The following EIF2S1 variants were observed in gnomAD, a reference collection of about 807,000 sequenced individuals.
EIF2S1 encodes eukaryotic translation initiation factor 2 subunit 1.
In EIF2S1, 5 loss-of-function variants were observed where a neutral mutation model predicts 33.5. That is an observed-to-expected ratio of 0.15 (90% confidence interval 0.08 to 0.31). The LOEUF is 0.31. Among genes scored for constraint, EIF2S1 ranks in the 10% least tolerant of loss-of-function variants. The probability of loss-of-function intolerance (pLI) is 1.00; values close to 1 mark genes in which losing one functional copy is unlikely to be tolerated. For synonymous variants in EIF2S1, 99 were observed against 127.5 expected (o/e 0.78, Z 1.51); for missense variants, 191 against 384.6 (o/e 0.50, Z 4.21).
chr14:67,380,588 A>G (rs2085882845), intron 4 of EIF2S1, 71 bp from the exon 5 acceptor site: 2 of 762,176 alleles, frequency 2.6e-6, no homozygotes, highest in South Asian at 2.8e-5. Flanking sequence ...GCATTGTTCC[A>G]TAGTGTTTGG....
Position 67,381,599 on chromosome 14 carries a change from A to T in EIF2S1, c.587A>T (p.Glu196Val). The change falls in exon 6 of 8, where the codon GAA (glutamate) becomes GTA (valine). Residue 196 changes from glutamate (E) to valine (V), a missense_variant. Physicochemically the swap from Glu to Val is moderately radical, Grantham distance 121. Coordinates refer to ENST00000256383, the MANE Select transcript of EIF2S1 (RefSeq NM_004094.5). ...TGAATTTTTGTAATTGTAGATATTG[A>T]AGTGGCTTGTTATGGTTATGAAGGC... The part of the protein sequence containing the change: ...PQAVKIRADI[E>V]VACYGYEGID... The T allele has an allele frequency of 6.2e-7, 1 of 1,612,306 alleles. No homozygotes were observed. The highest frequency in any genetic ancestry group is 2.2e-5 in the East Asian group (1 of 44,834).
At chr14:67,362,609 G>T (rs181550572) in intron 1 of EIF2S1, among the ~76,000 whole-genome samples, 9 of 152,292 alleles carry the variant, frequency 5.9e-5, no homozygotes, top group Admixed American at 4.6e-4. Flanking sequence ...CACAAGGCTA[G>T]AGTTGTTCCC....
intron 4 of EIF2S1, 36 bp from the exon 5 acceptor site, chr14:67,380,623 C>T: frequency 2.4e-6 from 3 of 1,232,198 alleles, no homozygotes; most frequent in Non-Finnish European, 3.4e-6. Flanking sequence ...GTAATATAAC[C>T]TTGACCTTTT....
At position 67,383,431 on chromosome 14, in the gene EIF2S1, T is replaced by C; in HGVS notation, c.939T>C (p.Ala313=). The C allele has an allele frequency of 6.2e-7, 1 of 1,613,280 alleles. No individual in the cohort carries two copies. The highest frequency in any genetic ancestry group is 8.5e-7 in the Non-Finnish European group (1 of 1,179,406). The change falls in exon 8 of 8, where the codon GCT becomes GCC. Residue 313 remains alanine (A), a synonymous_variant. Transcript: ENST00000256383. ...ATGCAGAAGAAATGGAAGCCAAAGC[T>C]GAAGATTAACTTTGTGGGAAACAGA... ...DDDAEEMEAK[A]ED
intron 4 of EIF2S1, 69 bp from the exon 5 acceptor site, chr14:67,380,590 A>T: frequency 1.3e-6 from 1 of 777,562 alleles, no homozygotes; most frequent in South Asian, 2.6e-5. Context: ...ATTGTTCCAT[A>T]GTGTTTGGTT....
intron 4 of EIF2S1, 30 bp from the exon 5 acceptor site, chr14:67,380,629 C>T: frequency 3.1e-6 from 4 of 1,287,670 alleles, no homozygotes; most frequent in East Asian, 2.5e-5. Context: ...TAACCTTGAC[C>T]TTTTGTTATT....
intron 4 of EIF2S1, among the ~76,000 whole-genome samples, chr14:67,377,550 C>G (rs973549886): frequency 3.3e-5 from 5 of 152,212 alleles, no homozygotes; most frequent in Non-Finnish European, 5.9e-5. Flanking sequence ...ACTTACATAT[C>G]TCTGTCCCAC....
At chr14:67,371,792 T>G (rs2085823598) in intron 2 of EIF2S1, among the ~76,000 whole-genome samples, 1 of 152,244 alleles carries the variant, frequency 6.6e-6, no homozygotes, top group East Asian at 1.9e-4. Context: ...GAGGCCATCA[T>G]AACCCTGATA....
Position 67,381,700 on chromosome 14 carries a change from G to A in EIF2S1, c.678+10G>A, listed in dbSNP as rs756118025. 5.0e-6 allele frequency: 8 copies of A among 1,592,726 alleles called. No individual in the cohort carries two copies. Among genetic ancestry groups the A allele is most frequent in the East Asian group, 2.2e-5 (1 of 44,762 alleles). ...AAACATGCCCATTAAGGTGAGTCAT[G>A]AGTTGTCTCCCTCCCTGCTGAAATG... is the stretch of plus-strand genomic sequence containing the variant. On this transcript the variant is annotated intron_variant, in intron 6 of 7. Coordinates refer to ENST00000256383, the MANE Select transcript of EIF2S1 (RefSeq NM_004094.5).
At chr14:67,379,297 C>T (rs1398878614) in intron 4 of EIF2S1, among the ~76,000 whole-genome samples, 1 of 152,290 alleles carries the variant, frequency 6.6e-6, no homozygotes, top group East Asian at 1.9e-4. Flanking sequence ...ATCCTTGCCA[C>T]AATTTGGTAT....
Position 67,382,522 on chromosome 14 carries a change from A to T in EIF2S1, c.754A>T (p.Ser252Cys). ...GAGAACAGAAGGCCTTTCTGTCCTC[A>T]GTCAAGCTATGGCTGTTATCAAAGA... ...LERTEGLSVL[S>C]QAMAVIKEKI... is the part of the protein sequence containing the mutation. Residue 252 changes from serine (S) to cysteine (C), a missense_variant, in exon 7 of 8, where the codon AGT (serine) becomes TGT (cysteine). Physicochemically the swap from Ser to Cys is moderately radical, Grantham distance 112. Coordinates refer to ENST00000256383, the MANE Select transcript of EIF2S1 (RefSeq NM_004094.5). The T allele has an allele frequency of 6.2e-7, 1 of 1,613,952 alleles. No individual in the cohort carries two copies. The highest frequency in any genetic ancestry group is 8.5e-7 in the Non-Finnish European group (1 of 1,179,858).
chr14:67,366,316 C>T (rs982749906), intron 2 of EIF2S1, among the ~76,000 whole-genome samples: 3 of 152,164 alleles, frequency 2.0e-5, no homozygotes, highest in Non-Finnish European at 2.9e-5. Flanking sequence ...AAGCGATTCT[C>T]CTGCCTTGGC....
chr14:67,383,802 C>G lies in EIF2S1; in HGVS notation c.*362C>G. The G allele has an allele frequency of 3.5e-6, 1 of 285,644 alleles. No homozygotes were observed. The highest frequency in any genetic ancestry group is 6.9e-6 in the Non-Finnish European group (1 of 145,224). 17.7% of individuals were successfully genotyped at this position (285,644 alleles called of 1,614,324 possible). On this transcript the variant is annotated 3_prime_UTR_variant, in exon 8 of 8. Transcript: ENST00000256383. ...CAGGGGCATCCAAGGCAAACAATCC[C>G]AATCTTTCTATATAAAATGTATTCA...
Position 67,382,470 on chromosome 14 carries a change from G to A in EIF2S1, c.702G>A (p.Arg234=). The change falls in exon 7 of 8, where the codon CGG becomes CGA. Residue 234 remains arginine, a synonymous_variant. Coordinates refer to ENST00000256383, the MANE Select transcript of EIF2S1 (RefSeq NM_004094.5). ...AGATTAATCTAATAGCTCCTCCTCGGTATGTAATGACTACGACAACCCTGG... is the reference window on the plus strand; with the variant it reads ...AGATTAATCTAATAGCTCCTCCTCGATATGTAATGACTACGACAACCCTGG... ...PIKINLIAPP[R]YVMTTTTLER... 6.2e-7 allele frequency: 1 copy of A among 1,613,474 alleles called. No individual in the cohort carries two copies. Among genetic ancestry groups the A allele is most frequent in the South Asian group, 1.1e-5 (1 of 91,038 alleles).
rs139773453 is a variant in EIF2S1 at position 67,379,168 on chromosome 14, G to GAAT, written c.474-1489_474-1487dup. Among the ~76,000 whole-genome samples, 1,501 of 152,294 alleles carry GAAT rather than the reference G, an allele frequency of 9.9e-3. 10 individuals are homozygous for GAAT. Among genetic ancestry groups the GAAT allele is most frequent in the Non-Finnish European group, 0.015 (1,006 of 68,018 alleles). ...GCCATTTGTCAAACAGGGCTGTGAT[G>GAAT]AATAGTGTATGTGTCTCTATATGTA... On this transcript the variant is annotated intron_variant, in intron 4 of 7. Coordinates refer to ENST00000256383, the MANE Select transcript of EIF2S1 (RefSeq NM_004094.5).
chr14:67,376,328 T>C (rs2085857685), intron 3 of EIF2S1, 111 bp from the exon 4 acceptor site: 5 of 1,103,514 alleles, frequency 4.5e-6, no homozygotes, highest in Admixed American at 2.8e-5. Flanking sequence ...TATGGAGATC[T>C]TTTATTGTTA....
intron 5 of EIF2S1, 72 bp from the exon 6 acceptor site, chr14:67,381,521 G>A (rs1210045874): frequency 1.0e-5 from 12 of 1,161,886 alleles, no homozygotes; most frequent in East Asian, 4.7e-5. Context: ...TATCTGCCAC[G>A]TGTTTGATTT....
intron 2 of EIF2S1, among the ~76,000 whole-genome samples, chr14:67,371,681 A>G (rs1176995446): frequency 6.6e-6 from 1 of 152,202 alleles, no homozygotes; most frequent in Non-Finnish European, 1.5e-5. Context: ...AAACACAGAA[A>G]AGATACAGTA....
intron 4 of EIF2S1, among the ~76,000 whole-genome samples, chr14:67,378,937 G>A (rs1459900282): frequency 6.6e-6 from 1 of 152,032 alleles, no homozygotes; most frequent in Non-Finnish European, 1.5e-5. Context: ...CTACATATGT[G>A]TCTATTATCA....
Sources: allele counts gnomAD v4.1 joint callset (sites outside exome capture counted in the v4.1 genomes callset), GRCh38; gene constraint gnomAD v4.1.1; transcripts MANE v1.5; gene names NCBI Gene and HGNC (gene_info 2026-07-23, HGNC 2026-07-21).